RAP1A: variants seen among roughly 807,000 people sequenced by gnomAD.
RAP1A encodes ras-related protein Rap-1A.
In RAP1A, 6 loss-of-function variants were observed where a neutral mutation model predicts 26.4. The ratio of observed to expected loss-of-function variants is 0.23; its 90% confidence interval spans 0.12 to 0.45. RAP1A has a LOEUF of 0.45. Among genes scored for constraint, RAP1A ranks in the 20% least tolerant of loss-of-function variants. The pLI, the probability that RAP1A is intolerant of heterozygous loss-of-function variation, is 0.99. For missense variants in RAP1A, 121 were observed against 217.2 expected (o/e 0.56, Z 2.78); for synonymous variants, 73 against 79.4 (o/e 0.92, Z 0.43).
chr1:111,638,814 A>C (rs985167852), intron 1 of RAP1A, among the ~76,000 whole-genome samples: 2 of 151,724 alleles, frequency 1.3e-5, no homozygotes, highest in African/African-American at 4.8e-5. Context: ...AACATGTTCT[A>C]ATAAGTAGGC....
chr1:111,625,588 T>A (rs1013454924), intron 1 of RAP1A, among the ~76,000 whole-genome samples: 5 of 152,196 alleles, frequency 3.3e-5, no homozygotes, highest in African/African-American at 1.2e-4. Flanking sequence ...GGCTATATTA[T>A]AAAACATTAA....
In RAP1A at chr1:111,599,207, TTTG is replaced by T. The variant is rs374240146; in HGVS notation, c.-28+56707_-28+56709del. ...TTTTTATTTATTTTATTTGTCTTTT[TTTG>T]TTGTTGTTTTTTTGAGATGGAGTCT... On this transcript the variant is annotated intron_variant, in intron 1 of 7. Coordinates refer to the RAP1A transcript ENST00000356415. Among the ~76,000 whole-genome samples, 1,144 of 152,180 alleles carry T rather than the reference TTTG, an allele frequency of 7.5e-3. 15 individuals carry two copies. The highest frequency in any genetic ancestry group is 0.027 in the African/African-American group (1,107 of 41,502).
intron 1 of RAP1A, among the ~76,000 whole-genome samples, chr1:111,587,897 C>A (rs1325976825): frequency 6.6e-6 from 1 of 152,174 alleles, no homozygotes; most frequent in African/African-American, 2.4e-5. Flanking sequence ...TTCTCTCTTC[C>A]TTTTTCATGT....
At chr1:111,628,750 A>G (rs765530962) in intron 1 of RAP1A, among the ~76,000 whole-genome samples, 2 of 152,164 alleles carry the variant, frequency 1.3e-5, no homozygotes, top group Non-Finnish European at 2.9e-5. Flanking sequence ...TGTACAACCA[A>G]TTTGGAGATC....
At chr1:111,563,327 T>C (rs936963377) in intron 1 of RAP1A, among the ~76,000 whole-genome samples, 4 of 152,194 alleles carry the variant, frequency 2.6e-5, no homozygotes, top group Admixed American at 1.3e-4. Flanking sequence ...GTCTGTGCTC[T>C]TAACAACAAG....
intron 1 of RAP1A, among the ~76,000 whole-genome samples, chr1:111,542,976 C>A (rs12072974): frequency 6.6e-5 from 10 of 152,082 alleles, no homozygotes; most frequent in African/African-American, 2.4e-4. Flanking sequence ...GGATTACAAG[C>A]GTGAGTGAGC....
intron 1 of RAP1A, among the ~76,000 whole-genome samples, chr1:111,565,383 A>G (rs1657895685): frequency 6.6e-6 from 1 of 152,260 alleles, no homozygotes; most frequent in African/African-American, 2.4e-5. Flanking sequence ...ACAGAGATGA[A>G]TAAGACAAAG....
intron 4 of RAP1A, among the ~76,000 whole-genome samples, chr1:111,703,013 G>C (rs1441511050): frequency 6.6e-6 from 1 of 152,172 alleles, no homozygotes; most frequent in Non-Finnish European, 1.5e-5. Context: ...TTATACCTCA[G>C]ATTGTTAGCA....
chr1:111,587,817 C>T (rs2789547), intron 1 of RAP1A, among the ~76,000 whole-genome samples: 150,870 of 152,342 alleles, frequency 0.99, 74,713 homozygotes, highest in East Asian at 1. Flanking sequence ...TCACTTGACC[C>T]CTCTACAGTA....
intron 1 of RAP1A, among the ~76,000 whole-genome samples, chr1:111,665,519 A>G (rs144032607): frequency 6.7e-4 from 102 of 152,262 alleles, no homozygotes; most frequent in African/African-American, 2.2e-3. Context: ...TTTTTTCTGC[A>G]TGGTTTACAA....
chr1:111,580,575 G>A (rs942748162), intron 1 of RAP1A, among the ~76,000 whole-genome samples: 2 of 152,186 alleles, frequency 1.3e-5, no homozygotes, highest in African/African-American at 2.4e-5. Flanking sequence ...GTTGCCGGGC[G>A]TGGTGGCTCA....
intron 1 of RAP1A, among the ~76,000 whole-genome samples, chr1:111,653,706 A>G (rs1660355173): frequency 6.8e-6 from 1 of 148,014 alleles, no homozygotes; most frequent in Non-Finnish European, 1.5e-5. Context: ...AAAAAAAAAA[A>G]AAAGGTGGAT....
At chr1:111,571,305 A>T (rs1477139138) in intron 1 of RAP1A, among the ~76,000 whole-genome samples, 1 of 152,208 alleles carries the variant, frequency 6.6e-6, no homozygotes, top group African/African-American at 2.4e-5. Context: ...CCCTGTGTTC[A>T]CCAGCCCAGA....
At chr1:111,566,531 CT>C (rs1020598290) in intron 1 of RAP1A, among the ~76,000 whole-genome samples, 5 of 152,200 alleles carry the variant, frequency 3.3e-5, no homozygotes, top group African/African-American at 4.8e-5. Context: ...ATATTTCCCC[CT>C]GACCGTAAAC....
At chr1:111,614,729 A>T (rs1658985067) in intron 1 of RAP1A, among the ~76,000 whole-genome samples, 1 of 152,234 alleles carries the variant, frequency 6.6e-6, no homozygotes, top group African/African-American at 2.4e-5. Context: ...AGACAGGGGT[A>T]TGGATGCTCT....
In RAP1A at chr1:111,692,816, A is replaced by G. The variant is rs181016678; in HGVS notation, c.57+1399A>G. 1.2e-4 allele frequency among the ~76,000 whole-genome samples: 19 copies of G among 152,336 alleles called. No homozygotes were observed. In the East Asian group the frequency reaches 3.3e-3, roughly 26 times the overall value. On this transcript the variant is annotated intron_variant, in intron 2 of 7. Transcript: ENST00000369709. ...TGAGGGTAGATACCTGTAAAATCAT[A>G]GAGTATCTCTTCAAGGTTAAATAAG...
At chr1:111,709,389 A>G (rs1662303536) in intron 7 of RAP1A, 125 bp downstream of exon 7, 2 of 1,135,076 alleles carry the variant, frequency 1.8e-6, no homozygotes. Context: ...TAAATGTGAT[A>G]TATAACTTGT....
chr1:111,568,238 T>A (rs1001879271), intron 1 of RAP1A, among the ~76,000 whole-genome samples: 1 of 152,172 alleles, frequency 6.6e-6, no homozygotes, highest in Non-Finnish European at 1.5e-5. Flanking sequence ...CTTAATTGGT[T>A]CATGGTTCTG....
chr1:111,596,397 G>T (rs868469635), intron 1 of RAP1A, among the ~76,000 whole-genome samples: 4 of 152,220 alleles, frequency 2.6e-5, no homozygotes. Flanking sequence ...ATGGTTGATG[G>T]AAATGGAAAC....
Sources: allele counts gnomAD v4.1 joint callset (sites outside exome capture counted in the v4.1 genomes callset), GRCh38; gene constraint gnomAD v4.1.1; transcripts MANE v1.5; gene names NCBI Gene and HGNC (gene_info 2026-07-23, HGNC 2026-07-21).